TTR: variants seen among roughly 807,000 people sequenced by gnomAD.
TTR encodes epididymis luminal protein 111.
Under a neutral mutation model 13.7 loss-of-function variants are expected in TTR, and 8 were observed. The ratio of observed to expected loss-of-function variants is 0.58; its 90% CI spans 0.34 to 1.05. The LOEUF (loss-of-function observed/expected upper bound fraction) is 1.05, where lower values mean the gene tolerates loss of function less well. TTR is among the 50% of genes least tolerant of loss of function. The pLI is 0.02. For missense variants in TTR, 135 were observed against 185.5 expected, an observed-to-expected ratio of 0.73 and a Z score of 1.58; for synonymous variants, 75 against 71.7, an observed-to-expected ratio of 1.05 and a Z score of -0.23.
At chr18:31,598,422 CTT>C in intron 3 of TTR, 144 bp from the exon 4 acceptor site, 2 of 827,178 alleles carry the variant, frequency 2.4e-6, no homozygotes, top group Admixed American at 2.0e-5. Flanking sequence ...CATATTTGAG[CTT>C]TTTCCTTCTG....
intron 3 of TTR, among the ~76,000 whole-genome samples, chr18:31,596,655 T>C (rs956328818): frequency 1.2e-4 from 18 of 147,526 alleles, no homozygotes; most frequent in African/African-American, 4.6e-4. Flanking sequence ...ATTCTTGCAG[T>C]ATTCATTCAA....
At chr18:31,594,999 G>T in intron 2 of TTR, 121 bp from the exon 3 acceptor site, 1 of 1,144,220 alleles carries the variant, frequency 8.7e-7, no homozygotes, top group African/African-American at 1.5e-5. Flanking sequence ...CTTAGTTGAG[G>T]GGAAATGTTC....
At chr18:31,594,489 TGGA>T (rs2073505592) in intron 2 of TTR, among the ~76,000 whole-genome samples, 2 of 152,238 alleles carry the variant, frequency 1.3e-5, no homozygotes, top group African/African-American at 2.4e-5. Flanking sequence ...CCTGCTGTCC[TGGA>T]GAAGTGCAGA....
At chr18:31,597,666 T>C (rs2073523678) in intron 3 of TTR, among the ~76,000 whole-genome samples, 1 of 152,188 alleles carries the variant, frequency 6.6e-6, no homozygotes. Context: ...AAGGCCTGTA[T>C]ACAAAATAAA....
chr18:31,597,864 G>C (rs533319592), intron 3 of TTR, among the ~76,000 whole-genome samples: 2 of 152,268 alleles, frequency 1.3e-5, no homozygotes, highest in East Asian at 3.9e-4. Context: ...AAGCTTAAAT[G>C]AGCTCTAGTG....
At position 31,595,145 on chromosome 18, in the gene TTR, C is replaced by A; in HGVS notation, c.226C>A (p.His76Asn). 1 of 1,614,150 alleles carries A rather than the reference C, an allele frequency of 6.2e-7. No homozygotes were observed. Among genetic ancestry groups the A allele is most frequent in the Non-Finnish European group, 8.5e-7 (1 of 1,180,024 alleles). ...GAAAACCAGTGAGTCTGGAGAGCTG[C>A]ATGGGCTCACAACTGAGGAGGAATT... ...SGKTSESGEL[H>N]GLTTEEEFVE... Residue 76 changes from histidine to asparagine, a missense_variant, in exon 3 of 4, where the codon CAT (histidine) becomes AAT (asparagine). His to Asn is a moderately conservative substitution (Grantham distance 68). Coordinates refer to ENST00000237014, the MANE Select transcript of TTR (RefSeq NM_000371.4).
At chr18:31,595,624 C>T (rs1464820836) in intron 3 of TTR, 2 of 368,528 alleles carry the variant, frequency 5.4e-6, no homozygotes, top group Non-Finnish European at 1.1e-5. Flanking sequence ...CTCGAAAACC[C>T]GTAACATTCT....
chr18:31,594,855 A>G (rs1308752912), intron 2 of TTR, among the ~76,000 whole-genome samples: 1 of 150,720 alleles, frequency 6.6e-6, no homozygotes, highest in Non-Finnish European at 1.5e-5. Context: ...CAAGAGTAAA[A>G]CTCTGTCTCA....
chr18:31,593,295 T>C (rs2144407188), intron 2 of TTR: 4 of 407,176 alleles, frequency 9.8e-6, no homozygotes, highest in South Asian at 8.7e-5. Context: ...TGCAACCCTT[T>C]TGGGTCACAG....
Position 31,595,127 on chromosome 18 carries a change from A to G in TTR, c.208A>G (p.Ser70Gly), listed in dbSNP as rs386134269. 2.5e-6 allele frequency: 4 copies of G among 1,614,144 alleles called. No individual in the cohort carries two copies. Among genetic ancestry groups the G allele is most frequent in the Non-Finnish European group, 2.5e-6 (3 of 1,180,018 alleles). Reference protein sequence around the residue: ...TWEPFASGKTSESGELHGLTT... With the variant: ...TWEPFASGKTGESGELHGLTT... ...GACTTTCACACCTTATAGGAAAACC[A>G]GTGAGTCTGGAGAGCTGCATGGGCT... The change falls in exon 3 of 4, where the codon AGT becomes GGT. Residue 70 changes from serine (S) to glycine (G), a missense_variant. Coordinates refer to ENST00000237014, the MANE Select transcript of TTR (RefSeq NM_000371.4).
chr18:31,595,276 G>A (rs1166207132), intron 3 of TTR, 21 bp downstream of exon 3: 1 of 1,613,970 alleles, frequency 6.2e-7, no homozygotes, highest in South Asian at 1.1e-5. Context: ...AGACCTTCGA[G>A]GGTTGTTTTG....
At chr18:31,594,749 A>G (rs1374912754) in intron 2 of TTR, among the ~76,000 whole-genome samples, 1 of 152,106 alleles carries the variant, frequency 6.6e-6, no homozygotes, top group African/African-American at 2.4e-5. Context: ...CTGTAATCCC[A>G]GCTAATTGGG....
intron 3 of TTR, 97 bp from the exon 4 acceptor site, chr18:31,598,471 T>C: frequency 8.8e-7 from 1 of 1,141,998 alleles, no homozygotes; most frequent in Non-Finnish European, 1.3e-6. Flanking sequence ...ATAAAATTAA[T>C]TAAGTTGGCA....
At position 31,595,251 on chromosome 18, in the gene TTR, C is replaced by T; in HGVS notation, c.332C>T (p.Ala111Val). 2 of 1,614,134 alleles carry T rather than the reference C, an allele frequency of 1.2e-6. No homozygotes were observed. The highest frequency in any genetic ancestry group is 1.7e-6 in the Non-Finnish European group (2 of 1,180,028). Residue 111 changes from alanine to valine, a missense_variant, in exon 3 of 4, where the codon GCA becomes GTA. Ala to Val is a moderately conservative substitution (Grantham distance 64). Coordinates refer to ENST00000237014, the MANE Select transcript of TTR (RefSeq NM_000371.4). ...ALGISPFHEH[A>V]EVVFTANDSG... ...GGCATCTCCCCATTCCATGAGCATG[C>T]AGAGGTGAGTATACAGACCTTCGAG...
intron 3 of TTR, among the ~76,000 whole-genome samples, chr18:31,597,810 G>C (rs1341738421): frequency 6.6e-6 from 1 of 152,152 alleles, no homozygotes; most frequent in Non-Finnish European, 1.5e-5. Context: ...AGAACTGTGT[G>C]ACTATCTGGA....
At position 31,593,192 on chromosome 18, in the gene TTR, C is replaced by G. The variant is rs1288600137; in HGVS notation, c.200+166C>G. 18 of 986,170 alleles carry G rather than the reference C, an allele frequency of 1.8e-5. No individual in the cohort carries two copies. In the East Asian group the frequency reaches 5.3e-4, roughly 29 times the overall value. 61.1% of individuals were successfully genotyped at this position (986,170 alleles called of 1,614,324 possible). A position where few individuals can be genotyped will look rare whatever the true frequency, so the allele number is the denominator to read the frequency against. ...TGAAGGATGCCCTCTTTTTGTTTTG[C>G]TTAGCTAGGAAGTGACCAGGAACCT... is the stretch of plus-strand genomic sequence containing the variant. On this transcript the variant is annotated intron_variant, in intron 2 of 3. Coordinates refer to ENST00000237014, the MANE Select transcript of TTR (RefSeq NM_000371.4).
intron 1 of TTR, among the ~76,000 whole-genome samples, chr18:31,592,196 A>C (rs952407060): frequency 2.6e-5 from 4 of 152,188 alleles, no homozygotes; most frequent in African/African-American, 9.6e-5. Context: ...TTGGTGCATT[A>C]GGTTTGTAAT....
chr18:31,593,049 C>T (rs77980928), intron 2 of TTR, 23 bp downstream of exon 2: 872 of 1,613,088 alleles, frequency 5.4e-4, no homozygotes, highest in Non-Finnish European at 6.6e-4. Context: ...AGAACCCTCC[C>T]ACAGGACTTG....
Position 31,598,606 on chromosome 18 carries a change from C to A in TTR, c.375C>A (p.Tyr125Ter), listed in dbSNP as rs749079577. 6.2e-7 allele frequency: 1 copy of A among 1,614,230 alleles called. No homozygotes were observed. Among genetic ancestry groups the A allele is most frequent in the Admixed American group, 1.7e-5 (1 of 60,032 alleles). ...CCAACGACTCCGGCCCCCGCCGCTA[C>A]ACCATTGCCGCCCTGCTGAGCCCCT... ...FTANDSGPRRYTIAALLSPYS... is the reference protein window; with the variant it reads ...FTANDSGPRR The change falls in exon 4 of 4, where the codon TAC (tyrosine) becomes TAA (stop). Residue 125 changes from tyrosine to a stop codon, truncating the protein, a stop_gained. Coordinates refer to ENST00000237014, the MANE Select transcript of TTR (RefSeq NM_000371.4). LOFTEE classifies it high-confidence loss of function.
Sources: allele counts gnomAD v4.1 joint callset (sites outside exome capture counted in the v4.1 genomes callset), GRCh38; gene constraint gnomAD v4.1.1; transcripts MANE v1.5; gene names NCBI Gene and HGNC (gene_info 2026-07-23, HGNC 2026-07-21).